Variants in BIRC6 observed in about 807,000 individuals in gnomAD.
BIRC6 encodes the protein baculoviral IAP repeat containing 6.
In BIRC6, 98 loss-of-function variants were observed where a neutral mutation model predicts 503.3. That is an observed-to-expected ratio of 0.19 (90% CI 0.17 to 0.23). The LOEUF is 0.23. Among genes scored for constraint, BIRC6 ranks in the 10% least tolerant of loss-of-function variants. BIRC6 has a pLI of 1.00. For missense variants in BIRC6, 5,360 were observed against 5,806.0 expected, an observed-to-expected ratio of 0.92 and a Z score of 2.50; for synonymous variants, 2,240 against 2,078.7, an observed-to-expected ratio of 1.08 and a Z score of -2.11.
intron 47 of BIRC6, 80 bp from the exon 48 acceptor site, chr2:32,502,715 G>A: frequency 9.6e-7 from 1 of 1,044,992 alleles, no homozygotes; most frequent in Non-Finnish European, 1.4e-6. Flanking sequence ...AATTAACTAG[G>A]AAGGAATATT....
At chr2:32,459,039 A>G (rs2047548463) in intron 23 of BIRC6, among the ~76,000 whole-genome samples, 2 of 152,114 alleles carry the variant, frequency 1.3e-5, no homozygotes, top group East Asian at 3.8e-4. Context: ...CTGATAGTAA[A>G]AATCTACCAA....
In BIRC6 at chr2:32,455,068, G is replaced by A. The variant is rs573855557; in HGVS notation, c.4753+1126G>A. On this transcript the variant is annotated intron_variant, in intron 23 of 73. Transcript: ENST00000421745. ...ATTTTATTATAAATCAGGACCTTTC[G>A]TGGAACTGTATTGAAATTAATTATC... is the stretch of plus-strand genomic sequence containing the variant. 6.6e-5 allele frequency among the ~76,000 whole-genome samples: 10 copies of A among 152,064 alleles called. No individual in the cohort carries two copies. In the South Asian group the frequency reaches 1.0e-3, roughly 16 times the overall value.
chr2:32,523,918 C>T (rs2056007365), intron 57 of BIRC6, among the ~76,000 whole-genome samples: 1 of 151,930 alleles, frequency 6.6e-6, no homozygotes, highest in Admixed American at 6.6e-5. Context: ...ATGGCATGTG[C>T]CTGTGGTCTC....
rs926123695 is a variant in BIRC6, at chr2:32,468,727, G to A, written c.6071G>A (p.Arg2024His). The A allele has an allele frequency of 6.2e-7, 1 of 1,613,458 alleles. No homozygotes were observed. The highest frequency in any genetic ancestry group is 1.3e-5 in the African/African-American group (1 of 75,050). The change falls in exon 29 of 74, where the codon CGT (arginine) becomes CAT (histidine). Residue 2024 changes from arginine to histidine, a missense_variant. Arg to His is a conservative substitution (Grantham distance 29). Around this residue, in one of 16 missense-constraint regions of BIRC6, gnomAD observed 2,299 missense variants for 2,267.2 expected, o/e 1.01. Transcript: ENST00000421745. Reference protein sequence around the residue: ...LIQTSSTEQLRTIIRYLLDTL... With the variant: ...LIQTSSTEQLHTIIRYLLDTL... ...CAGACATCTTCCACAGAGCAGTTAC[G>A]TACTATCATCAGATATTTACTGGAC...
chr2:32,578,751 CACACTCCATT>C (rs2060437134), intron 66 of BIRC6, among the ~76,000 whole-genome samples: 1 of 151,696 alleles, frequency 6.6e-6, no homozygotes, highest in African/African-American at 2.4e-5. Context: ...ATCACACCAT[CACACTCCATT>C]ACACTCCAGT....
At chr2:32,473,069 A>G (rs763151402) in intron 32 of BIRC6, 43 bp from the exon 33 acceptor site, 5 of 1,489,976 alleles carry the variant, frequency 3.4e-6, no homozygotes, top group African/African-American at 1.4e-5. Flanking sequence ...CTTTAAAATC[A>G]CATTTAACAG....
intron 68 of BIRC6, among the ~76,000 whole-genome samples, chr2:32,595,786 C>T (rs1444782338): frequency 6.6e-6 from 1 of 152,082 alleles, no homozygotes; most frequent in Non-Finnish European, 1.5e-5. Context: ...GTCATATTGT[C>T]TTTGAAACCT....
At chr2:32,492,290 A>G (rs995468016) in intron 44 of BIRC6, among the ~76,000 whole-genome samples, 1 of 152,072 alleles carries the variant, frequency 6.6e-6, no homozygotes, top group Non-Finnish European at 1.5e-5. Flanking sequence ...TGTTCTAGGT[A>G]CTAGACATAC....
chr2:32,565,917 C>T (rs2059503423), intron 65 of BIRC6: 2 of 152,170 alleles, frequency 1.3e-5, no homozygotes, highest in African/African-American at 4.8e-5. Context: ...GATTCAGTTA[C>T]CTCCCACTGG....
At chr2:32,559,613 T>C (rs541826623) in intron 65 of BIRC6, among the ~76,000 whole-genome samples, 1 of 152,036 alleles carries the variant, frequency 6.6e-6, no homozygotes, top group East Asian at 1.9e-4. Context: ...TGACCACCGG[T>C]ACACATTAAT....
At chr2:32,514,675 G>T (rs2054825340) in intron 54 of BIRC6, among the ~76,000 whole-genome samples, 1 of 151,718 alleles carries the variant, frequency 6.6e-6, no homozygotes, top group Non-Finnish European at 1.5e-5. Context: ...TGATTTTTTT[G>T]TTTGTTTGTT....
In BIRC6 at chr2:32,467,565, A is replaced by G. The variant is rs1311685711; in HGVS notation, c.5397A>G (p.Ile1799Met). 7 of 1,613,934 alleles carry G rather than the reference A, an allele frequency of 4.3e-6. No homozygotes were observed. Among genetic ancestry groups the G allele is most frequent in the Non-Finnish European group, 5.9e-6 (7 of 1,179,876 alleles). ...RFVTLDFGRP[I>M]LLTDVLIPTC... The stretch of plus-strand genomic sequence containing the variant: ...TGACCTTGGATTTTGGGAGGCCTAT[A>G]TTGTTGACTGATGTATTGATTCCCA... The change falls in exon 27 of 74, where the codon ATA (isoleucine) becomes ATG (methionine). Residue 1799 changes from isoleucine (I) to methionine (M), a missense_variant. Ile to Met is a conservative substitution (Grantham distance 10). This residue lies in a region of BIRC6 where 2,299 missense variants were observed against 2,267.2 expected (regional missense o/e 1.01). Transcript: ENST00000421745.
At chr2:32,407,445 CA>C (rs760585710) in intron 9 of BIRC6, among the ~76,000 whole-genome samples, 1,631 of 69,872 alleles carry the variant, frequency 0.023, 15 homozygotes, top group Middle Eastern at 0.054. Flanking sequence ...AACTCTGTCT[CA>C]AAAAAAAAAA....
At position 32,395,499 on chromosome 2, in the gene BIRC6, A is replaced by G. The variant is rs2149631407; in HGVS notation, c.952-12A>G. 1.3e-6 allele frequency: 2 copies of G among 1,585,076 alleles called. No individual in the cohort carries two copies. Among genetic ancestry groups the G allele is most frequent in the Admixed American group, 1.7e-5 (1 of 58,700 alleles). The stretch of plus-strand genomic sequence containing the variant: ...TTTACCTTTTCTGTCTCTTTTCTTT[A>G]TAATTTTGCAGCCTGCCTCATCTGG... On this transcript the variant is annotated splice_polypyrimidine_tract_variant and intron_variant, in intron 5 of 73. Transcript: ENST00000421745.
At chr2:32,617,395 C>T (rs879750854) in intron 73 of BIRC6, among the ~76,000 whole-genome samples, 2 of 151,458 alleles carry the variant, frequency 1.3e-5, no homozygotes, top group African/African-American at 2.4e-5. Context: ...AGCGAGACTC[C>T]GTCTCAAAAA....
At chr2:32,430,482 A>T (rs2043970796) in intron 11 of BIRC6, among the ~76,000 whole-genome samples, 1 of 152,124 alleles carries the variant, frequency 6.6e-6, no homozygotes, top group African/African-American at 2.4e-5. Context: ...TTTATTTTTT[A>T]AAAAATAGGG....
chr2:32,508,554 C>T (rs557880406), intron 51 of BIRC6, among the ~76,000 whole-genome samples: 5 of 151,838 alleles, frequency 3.3e-5, no homozygotes, highest in Non-Finnish European at 7.4e-5. Context: ...GTATCATACT[C>T]TGTTTCGGGA....
intron 72 of BIRC6, among the ~76,000 whole-genome samples, chr2:32,609,285 CTGTGTGTGTGTGTG>C (rs58379253): frequency 6.8e-6 from 1 of 147,552 alleles, no homozygotes. Flanking sequence ...AAGTGTGGCT[CTGTGTGTGTGTGTG>C]TGTGTGTGTG....
chr2:32,446,738 G>GTTTTTTT lies in BIRC6; in HGVS notation c.4484+1097_4484+1103dup, dbSNP rs58232090. 2.7e-3 allele frequency among the ~76,000 whole-genome samples: 93 copies of GTTTTTTT among 34,864 alleles called. 2 individuals carry two copies. Among genetic ancestry groups the GTTTTTTT allele is most frequent in the Middle Eastern group, 0.023 (1 of 44 alleles). 22.9% of individuals were successfully genotyped at this position (34,864 alleles called of 152,430 possible). ...TCTAGTCAGCATCTCCCTCTGCGCTGTTTTTTTTTTTTTTTTTTTTTTTTT... is the reference window on the plus strand; with the variant it reads ...TCTAGTCAGCATCTCCCTCTGCGCTGTTTTTTTTTTTTTTTTTTTTTTTTTTTTTTTT... On this transcript the variant is annotated intron_variant, in intron 21 of 73. Coordinates refer to ENST00000421745, the MANE Select transcript of BIRC6 (RefSeq NM_016252.4).
Sources: allele counts gnomAD v4.1 joint callset (sites outside exome capture counted in the v4.1 genomes callset), GRCh38; gene constraint gnomAD v4.1.1; regional missense constraint gnomAD v4.1.1; transcripts MANE v1.5; gene names NCBI Gene and HGNC (gene_info 2026-07-23, HGNC 2026-07-21).